XKR7: variants seen among roughly 807,000 people sequenced by gnomAD.
XKR7 encodes the protein XK related 7, also known as XK-related protein 7.
XKR7 carries 11 observed loss-of-function variants against 42.2 expected under a neutral mutation model. The ratio of observed to expected loss-of-function variants is 0.26; its 90% CI spans 0.16 to 0.43. XKR7 has a LOEUF of 0.43. Among genes scored for constraint, XKR7 ranks in the 20% least tolerant of loss-of-function variants. The probability of loss-of-function intolerance (pLI) is 1.00; values close to 1 mark genes in which losing one functional copy is unlikely to be tolerated. For missense variants in XKR7, 710 were observed against 802.2 expected, an observed-to-expected ratio of 0.89 and a Z score of 1.39; for synonymous variants, 346 against 366.4, an observed-to-expected ratio of 0.94 and a Z score of 0.64.
Position 31,995,387 on chromosome 20 carries a change from G to C in XKR7, c.787+117G>C, listed in dbSNP as rs1425820862. 6 of 1,490,560 alleles carry C rather than the reference G, an allele frequency of 4.0e-6. No individual in the cohort carries two copies. The highest frequency in any genetic ancestry group is 4.4e-6 in the Non-Finnish European group (5 of 1,125,488). The allele number at this position is 1,490,560 out of a possible 1,614,324, so 92.3% of individuals were successfully genotyped here. ...CCCACCCCAGCTCAGGGCTCACTCA[G>C]TCAGGGTTTAGGGAGGCCTGCCCCT... is the stretch of plus-strand genomic sequence containing the variant. On this transcript the variant is annotated intron_variant, in intron 2 of 2. Transcript: ENST00000562532. The surrounding 1 kb of genome is among the most constrained non-coding windows in gnomAD (Gnocchi z 4.1).
chr20:31,994,961 A>C (rs1246116401), intron 1 of XKR7, 107 bp from the exon 2 acceptor site: 1 of 1,488,502 alleles, frequency 6.7e-7, no homozygotes, highest in Non-Finnish European at 8.9e-7. Context: ...AAACAGGCTC[A>C]GCGTAGGGAG....
In XKR7 at chr20:31,998,083, G is replaced by A. The variant is rs1332820783; in HGVS notation, c.*626G>A. ...TGGAGATGGATAGGAGAAAGAACTG[G>A]GGGGGGGGTCTAGGCTGGCAGAAGC... On this transcript the variant is annotated 3_prime_UTR_variant, in exon 3 of 3. Coordinates refer to ENST00000562532, the MANE Select transcript of XKR7 (RefSeq NM_001011718.2). 1.6e-5 allele frequency: 2 copies of A among 126,752 alleles called. No homozygotes were observed. Among genetic ancestry groups the A allele is most frequent in the African/African-American group, 2.9e-5 (1 of 34,144 alleles). The allele number at this position is 126,752 out of a possible 1,614,324, so 7.9% of individuals were successfully genotyped here.
Position 31,995,273 on chromosome 20 carries a change from G to A in XKR7, c.787+3G>A. On this transcript the variant is annotated splice_donor_region_variant and intron_variant, in intron 2 of 2. Transcript: ENST00000562532. The surrounding 1 kb of genome is among the most constrained non-coding windows in gnomAD (Gnocchi z 4.1). The stretch of plus-strand genomic sequence containing the variant: ...TGGCGCGCCCGACCTGCTGCCGGGT[G>A]AGCCCGCCCCTTCACCCTCTGCGCC... 1.3e-6 allele frequency: 2 copies of A among 1,535,220 alleles called. No homozygotes were observed. Among genetic ancestry groups the A allele is most frequent in the South Asian group, 2.4e-5 (2 of 83,842 alleles).
intron 1 of XKR7, among the ~76,000 whole-genome samples, chr20:31,981,871 C>G (rs1210892983): frequency 1.3e-5 from 2 of 152,156 alleles, no homozygotes; most frequent in Non-Finnish European, 2.9e-5. Context: ...ATGTTGTTTC[C>G]TCAGCCAGAG....
At chr20:31,992,162 T>G (rs1460452579) in intron 1 of XKR7, among the ~76,000 whole-genome samples, 1 of 152,046 alleles carries the variant, frequency 6.6e-6, no homozygotes, top group Admixed American at 6.6e-5. Flanking sequence ...ACAAAAAAAC[T>G]GAGATCAAAT....
At chr20:31,969,416 TTAGATGGCCAC>T (rs2064453886) in intron 1 of XKR7, among the ~76,000 whole-genome samples, 1 of 152,188 alleles carries the variant, frequency 6.6e-6, no homozygotes, top group South Asian at 2.1e-4. Context: ...GAATCTGAGA[TTAGATGGCCAC>T]TGGCTGCCCT....
chr20:31,983,708 AG>A (rs1350545643), intron 1 of XKR7, among the ~76,000 whole-genome samples: 1 of 152,192 alleles, frequency 6.6e-6, no homozygotes. Flanking sequence ...GCAGTTTGGG[AG>A]GCCGAGGCAG....
At position 31,999,516 on chromosome 20, in the gene XKR7, T is replaced by C. The variant is rs1345210502; in HGVS notation, c.*2059T>C. Reference sequence around the variant, plus strand: ...ACGAGGCCTCGAGGGTGACGGGAGGTGGGAGAAGCCCAAGGCTGACCCAGG... The same window carrying C: ...ACGAGGCCTCGAGGGTGACGGGAGGCGGGAGAAGCCCAAGGCTGACCCAGG... On this transcript the variant is annotated 3_prime_UTR_variant, in exon 3 of 3. Transcript: ENST00000562532. The C allele has an allele frequency of 6.6e-6, 1 of 151,834 alleles. No individual in the cohort carries two copies. The highest frequency in any genetic ancestry group is 2.4e-5 in the African/African-American group (1 of 41,302). 9.4% of individuals were successfully genotyped at this position (151,834 alleles called of 1,614,324 possible). A position where few individuals can be genotyped will look rare whatever the true frequency, so the allele number is the denominator to read the frequency against.
intron 1 of XKR7, among the ~76,000 whole-genome samples, chr20:31,973,634 G>T (rs80105687): frequency 0.053 from 8,119 of 152,110 alleles, 233 homozygotes; most frequent in South Asian, 0.083. Flanking sequence ...GACAAGCTGT[G>T]TAGAGGTCTT....
At chr20:31,985,345 C>CGAGAACA (rs947725348) in intron 1 of XKR7, among the ~76,000 whole-genome samples, 2 of 151,984 alleles carry the variant, frequency 1.3e-5, no homozygotes, top group African/African-American at 4.8e-5. Context: ...TGGGGAGGGG[C>CGAGAACA]GAGAACACAC....
intron 1 of XKR7, among the ~76,000 whole-genome samples, chr20:31,969,073 G>A (rs1008317307): frequency 1.3e-5 from 2 of 152,124 alleles, no homozygotes; most frequent in African/African-American, 4.8e-5. Context: ...GAAGATAAAT[G>A]TGAAGCTTAA....
chr20:31,989,790 T>C (rs1034225991), intron 1 of XKR7, among the ~76,000 whole-genome samples: 2 of 152,154 alleles, frequency 1.3e-5, no homozygotes, highest in Admixed American at 6.5e-5. Context: ...TTTTTAAATG[T>C]TTTGTAGAGA....
rs1208260399 is a variant in XKR7, at chr20:31,997,515, G to T, written c.*58G>T. 1 of 1,475,400 alleles carries T rather than the reference G, an allele frequency of 6.8e-7. No individual in the cohort carries two copies. The highest frequency in any genetic ancestry group is 1.4e-5 in the African/African-American group (1 of 71,850). 91.4% of individuals were successfully genotyped at this position (1,475,400 alleles called of 1,614,324 possible). ...TGGCTGATCCCACATCCGCCGCAGT[G>T]TTGTGCCCCGAATTTCAGGGCCACC... On this transcript the variant is annotated 3_prime_UTR_variant, in exon 3 of 3. Transcript: ENST00000562532.
chr20:31,988,583 G>A (rs774558770), intron 1 of XKR7, among the ~76,000 whole-genome samples: 8 of 152,144 alleles, frequency 5.3e-5, no homozygotes, highest in Non-Finnish European at 1.0e-4. Context: ...CACAAGACTG[G>A]GGGTCAGTAA....
Position 32,001,625 on chromosome 20 carries a change from A to T in XKR7, c.*4168A>T, listed in dbSNP as rs1253846119. 6.6e-6 allele frequency: 1 copy of T among 152,186 alleles called. No homozygotes were observed. The highest frequency in any genetic ancestry group is 1.5e-5 in the Non-Finnish European group (1 of 68,048). The allele number at this position is 152,186 out of a possible 1,614,324, so 9.4% of individuals were successfully genotyped here. A position where few individuals can be genotyped will look rare whatever the true frequency, so the allele number is the denominator to read the frequency against. ...GGGTCCCTGGTTTGGGAATCATCTG[A>T]TAAGGGCTACAGGCCCCTCCAGTGC... On this transcript the variant is annotated 3_prime_UTR_variant, in exon 3 of 3. Coordinates refer to ENST00000562532, the MANE Select transcript of XKR7 (RefSeq NM_001011718.2).
Position 31,996,502 on chromosome 20 carries a change from C to T in XKR7, c.788-3C>T. On this transcript the variant is annotated splice_region_variant and splice_polypyrimidine_tract_variant and intron_variant, in intron 2 of 2. Transcript: ENST00000562532. ...CCACCCCGCCCCTGCCCTGTCTCCA[C>T]AGCCCTCTCCACCTCCGCCTCCCTC... The T allele has an allele frequency of 1.4e-6, 2 of 1,399,750 alleles. No homozygotes were observed. Among genetic ancestry groups the T allele is most frequent in the Non-Finnish European group, 1.9e-6 (2 of 1,070,712 alleles). The allele number at this position is 1,399,750 out of a possible 1,614,324, so 86.7% of individuals were successfully genotyped here.
chr20:31,979,741 C>T (rs954615207), intron 1 of XKR7, among the ~76,000 whole-genome samples: 4 of 152,198 alleles, frequency 2.6e-5, no homozygotes, highest in Non-Finnish European at 4.4e-5. Context: ...CAGATGCCAT[C>T]GGGAGGATGG....
rs771288612 is a variant in XKR7 at position 31,995,074 on chromosome 20, G to A, written c.591G>A (p.Leu197=). The A allele has an allele frequency of 1.9e-6, 3 of 1,545,370 alleles. No homozygotes were observed. Among genetic ancestry groups the A allele is most frequent in the Non-Finnish European group, 2.6e-6 (3 of 1,146,750 alleles). Residue 197 remains leucine (L), a synonymous_variant, in exon 2 of 3, where the codon CTG becomes CTA. Transcript: ENST00000562532. The surrounding 1 kb of genome is among the most constrained non-coding windows in gnomAD (Gnocchi z 4.1). ...CACCGCGTCCTTCCCGCAGGTACCT[G>A]CGCGCCCTGTACCTGGGGCTGCAGA... ...LLQLGQVWRY[L]RALYLGLQSR...
chr20:31,994,051 G>A (rs1267219946), intron 1 of XKR7, among the ~76,000 whole-genome samples: 1 of 152,202 alleles, frequency 6.6e-6, no homozygotes, highest in Non-Finnish European at 1.5e-5. Flanking sequence ...GAAGTGGCAT[G>A]AGAGGAAGCA....
Sources: gnomAD v4.1 joint callset for allele counts (sites outside exome capture counted in the v4.1 genomes callset) on GRCh38, gnomAD v4.1.1 for gene constraint, Gnocchi (gnomAD v3.1) non-coding constraint, MANE v1.5 for transcripts, NCBI Gene and HGNC (gene_info 2026-07-23, HGNC 2026-07-21) for gene names.